The following LHFPL3 variants were observed in gnomAD, a reference collection of about 807,000 sequenced individuals.
The protein encoded by LHFPL3 is LHFPL tetraspan subfamily member 3.
Under a neutral mutation model 19.3 loss-of-function variants are expected in LHFPL3, and 5 were observed. That is an observed-to-expected ratio of 0.26 (90% CI 0.14 to 0.54). The LOEUF (loss-of-function observed/expected upper bound fraction) is 0.54. LHFPL3 is among the 20% of genes least tolerant of loss of function. LHFPL3 has a pLI of 0.94. For synonymous variants in LHFPL3, 133 were observed against 126.2 expected, an observed-to-expected ratio of 1.05 and a Z score of -0.36; for missense variants, 249 against 307.4, an observed-to-expected ratio of 0.81 and a Z score of 1.42.
At chr7:104,691,815 T>C (rs1792910657) in intron 1 of LHFPL3, among the ~76,000 whole-genome samples, 1 of 152,150 alleles carries the variant, frequency 6.6e-6, no homozygotes, top group Non-Finnish European at 1.5e-5. Flanking sequence ...CAGGAAAATA[T>C]GGGAAAGTTT....
chr7:104,856,882 C>T (rs1791515951), intron 2 of LHFPL3, among the ~76,000 whole-genome samples: 1 of 152,096 alleles, frequency 6.6e-6, no homozygotes, highest in Non-Finnish European at 1.5e-5. Flanking sequence ...TCTTTATGAG[C>T]ATTGATACCC....
chr7:104,379,680 A>G (rs1453937579), intron 1 of LHFPL3, among the ~76,000 whole-genome samples: 1 of 152,210 alleles, frequency 6.6e-6, no homozygotes, highest in Non-Finnish European at 1.5e-5. Flanking sequence ...AAGATGTAAG[A>G]AAAAAGAAAA....
rs9768875 is a variant in LHFPL3, at chr7:104,392,362, C to G, written c.445+63138C>G. On this transcript the variant is annotated intron_variant, in intron 1 of 2. Transcript: ENST00000424859. ...CTTATTATTTTGAGATATGTCCCAT[C>G]AATACCTAATTTATTGAGAGTTTTT... Among the ~76,000 whole-genome samples, 833 of 151,978 alleles carry G rather than the reference C, an allele frequency of 5.5e-3. 2 individuals carry two copies. Among genetic ancestry groups the G allele is most frequent in the African/African-American group, 0.019 (807 of 41,444 alleles).
At chr7:104,586,306 T>C (rs1790575719) in intron 1 of LHFPL3, among the ~76,000 whole-genome samples, 1 of 152,142 alleles carries the variant, frequency 6.6e-6, no homozygotes, top group Non-Finnish European at 1.5e-5. Context: ...TCTTCTTATA[T>C]ACCAGCTTCT....
chr7:104,477,177 G>C (rs539542614), intron 1 of LHFPL3, among the ~76,000 whole-genome samples: 1 of 152,110 alleles, frequency 6.6e-6, no homozygotes, highest in East Asian at 1.9e-4. Context: ...TTTTTGTAGA[G>C]AGAGAGTCTC....
intron 1 of LHFPL3, among the ~76,000 whole-genome samples, chr7:104,601,391 G>T (rs1014337979): frequency 2.6e-5 from 4 of 152,106 alleles, no homozygotes; most frequent in Admixed American, 6.5e-5. Flanking sequence ...TGTACCAAAT[G>T]TGTTCTAGGT....
chr7:104,691,609 A>G (rs1792907192), intron 1 of LHFPL3, among the ~76,000 whole-genome samples: 1 of 152,268 alleles, frequency 6.6e-6, no homozygotes, highest in Non-Finnish European at 1.5e-5. Context: ...CATGGGCTGT[A>G]GCCAGTGGTT....
At chr7:104,494,558 C>T (rs1793420316) in intron 1 of LHFPL3, among the ~76,000 whole-genome samples, 1 of 152,112 alleles carries the variant, frequency 6.6e-6, no homozygotes, top group South Asian at 2.1e-4. Context: ...GAAAGAACTC[C>T]CTGCCCCCAA....
chr7:104,448,343 T>C (rs995850914), intron 1 of LHFPL3, among the ~76,000 whole-genome samples: 2 of 152,224 alleles, frequency 1.3e-5, no homozygotes, highest in Admixed American at 1.3e-4. Context: ...GGTCTTACTC[T>C]AGCAGGTTCA....
At chr7:104,414,982 A>G (rs1791594539) in intron 1 of LHFPL3, among the ~76,000 whole-genome samples, 1 of 152,344 alleles carries the variant, frequency 6.6e-6, no homozygotes, top group South Asian at 2.1e-4. Flanking sequence ...CAAATTGCGC[A>G]TATAGTTACA....
rs536122769 is a variant in LHFPL3, at chr7:104,343,512, C to CAA, written c.445+14326_445+14327dup. ...TGGGCAACAGAGTGAGACTCTGTCT[C>CAA]AAAAAAAAAAAAAAAAAAAAAAAAA... On this transcript the variant is annotated intron_variant, in intron 1 of 2. Coordinates refer to ENST00000424859, the MANE Select transcript of LHFPL3 (RefSeq NM_199000.3). Among the ~76,000 whole-genome samples, 20 of 47,472 alleles carry CAA rather than the reference C, an allele frequency of 4.2e-4. 3 individuals are homozygous for CAA. The highest frequency in any genetic ancestry group is 7.6e-4 in the Admixed American group (3 of 3,962). 31.1% of individuals were successfully genotyped at this position (47,472 alleles called of 152,430 possible). A position where few individuals can be genotyped will look rare whatever the true frequency, so the allele number is the denominator to read the frequency against.
chr7:104,571,322 C>A (rs1790226110), intron 1 of LHFPL3, among the ~76,000 whole-genome samples: 1 of 152,156 alleles, frequency 6.6e-6, no homozygotes, highest in African/African-American at 2.4e-5. Flanking sequence ...TTAAACCAAA[C>A]TCTTTCCTCA....
At chr7:104,408,323 G>A (rs1367462880) in intron 1 of LHFPL3, among the ~76,000 whole-genome samples, 1 of 151,136 alleles carries the variant, frequency 6.6e-6, no homozygotes, top group East Asian at 1.9e-4. Flanking sequence ...CCAATAGCAA[G>A]GGTTAATTGT....
rs1791317994 is a variant in LHFPL3, at chr7:104,615,659, G to A, written c.446-121016G>A. On this transcript the variant is annotated intron_variant, in intron 1 of 2. Coordinates refer to ENST00000424859, the MANE Select transcript of LHFPL3 (RefSeq NM_199000.3). ...ATCTACATTAGGTATTTCTTCTAAT[G>A]CTATCCCTCCTCTACCCACCCCCAC... Among the ~76,000 whole-genome samples the A allele has an allele frequency of 5.3e-5, 8 of 152,222 alleles. 1 individual carries two copies. In the South Asian group the frequency reaches 1.5e-3, roughly 28 times the overall value.
intron 1 of LHFPL3, among the ~76,000 whole-genome samples, chr7:104,453,238 A>T (rs888043029): frequency 4.8e-5 from 7 of 147,112 alleles, no homozygotes; most frequent in South Asian, 2.2e-4. Context: ...AAGGTGGAGA[A>T]TTTTTTTTTT....
At chr7:104,667,978 C>T in intron 1 of LHFPL3, 1 of 1,613,458 alleles carries the variant, frequency 6.2e-7, no homozygotes, top group Middle Eastern at 1.8e-4. Context: ...CCCACTGCTC[C>T]ACGGGCTGCT....
At chr7:104,542,363 G>A (rs970789071) in intron 1 of LHFPL3, among the ~76,000 whole-genome samples, 3 of 152,132 alleles carry the variant, frequency 2.0e-5, no homozygotes, top group African/African-American at 7.2e-5. Flanking sequence ...TAAGGATCCA[G>A]TGAATGGCTT....
intron 1 of LHFPL3, among the ~76,000 whole-genome samples, chr7:104,422,383 G>C (rs35944032): frequency 0.17 from 26,010 of 151,784 alleles, 3,475 homozygotes; most frequent in African/African-American, 0.37. Context: ...ACAACAACAA[G>C]AACAAATATT....
intron 1 of LHFPL3, among the ~76,000 whole-genome samples, chr7:104,398,390 C>T (rs1322529835): frequency 6.6e-6 from 1 of 152,176 alleles, no homozygotes; most frequent in Non-Finnish European, 1.5e-5. Flanking sequence ...TAATCTCCTC[C>T]AGAGCTAGTC....
Sources: allele counts gnomAD v4.1 joint callset (sites outside exome capture counted in the v4.1 genomes callset), GRCh38; gene constraint gnomAD v4.1.1; transcripts MANE v1.5; gene names NCBI Gene and HGNC (gene_info 2026-07-23, HGNC 2026-07-21).